Variants in SLC12A9 observed in about 807,000 individuals in gnomAD.
SLC12A9 encodes solute carrier family 12 member 9, also known as CCC-interacting protein 1.
A neutral mutation model predicts 66.0 loss-of-function variants in SLC12A9; 55 were observed. That is an observed-to-expected ratio of 0.83 (90% CI 0.67 to 1.04). The LOEUF is 1.04. Ranked by LOEUF, SLC12A9 falls within the 50% of genes least tolerant of loss-of-function variation. The pLI is 0.00. For missense variants in SLC12A9, 1,061 were observed against 1,241.9 expected (o/e 0.85, Z 2.19); for synonymous variants, 577 against 569.0 (o/e 1.01, Z -0.20).
intron 7 of SLC12A9, 170 bp downstream of exon 7, chr7:100,859,331 G>A: frequency 1.6e-6 from 1 of 637,318 alleles, no homozygotes; most frequent in Non-Finnish European, 2.8e-6. Flanking sequence ...ACCCAGTACT[G>A]TTGCAGGCAC....
At chr7:100,827,108 GGT>G in intron 1 of SLC12A9, 4 of 1,478,334 alleles carry the variant, frequency 2.7e-6, no homozygotes, top group Non-Finnish European at 2.7e-6. Flanking sequence ...TCCCTGGGCG[GGT>G]GGACGCCGAT....
chr7:100,849,254 T>G (rs1814004161), upstream of SLC12A9, among the ~76,000 whole-genome samples: 1 of 151,462 alleles, frequency 6.6e-6, no homozygotes. Context: ...CTAGCTTAAA[T>G]GTCTTTTTTA....
At chr7:100,859,734 A>G (rs314376) in intron 7 of SLC12A9, 151 bp from the exon 8 acceptor site, 441,125 of 926,788 alleles carry the variant, frequency 0.48, 112,082 homozygotes, top group East Asian at 0.82. Context: ...AGGAATGACC[A>G]CTGAGTGATT....
chr7:100,827,889 C>T (rs1813459233), intron 1 of SLC12A9, among the ~76,000 whole-genome samples: 1 of 152,250 alleles, frequency 6.6e-6, no homozygotes, highest in African/African-American at 2.4e-5. Context: ...CGGAGGGCCG[C>T]CCAGGCGTGC....
upstream of SLC12A9, among the ~76,000 whole-genome samples, chr7:100,848,576 G>T (rs1217129006): frequency 2.6e-5 from 4 of 151,960 alleles, no homozygotes; most frequent in African/African-American, 9.7e-5. Flanking sequence ...ATGAGATCGT[G>T]AAGGGACTGG....
chr7:100,837,302 G>A (rs1813680307), intron 1 of SLC12A9: 6 of 152,166 alleles, frequency 3.9e-5, no homozygotes, highest in Admixed American at 3.3e-4. Context: ...GGGGAGGCAG[G>A]TCAGACCAAA....
At chr7:100,852,867 C>T (rs1471840707) in intron 1 of SLC12A9, 32 bp downstream of exon 1, 2 of 152,270 alleles carry the variant, frequency 1.3e-5, no homozygotes, top group Non-Finnish European at 2.9e-5. Flanking sequence ...GGCCCCCGAG[C>T]TGTGGGGTGC....
chr7:100,857,445 A>G, intron 5 of SLC12A9: 1 of 516,880 alleles, frequency 1.9e-6, no homozygotes, highest in East Asian at 3.2e-5. Flanking sequence ...TAAATAGCAC[A>G]GAATGGCCCA....
intron 1 of SLC12A9, among the ~76,000 whole-genome samples, chr7:100,845,161 A>C (rs1813880847): frequency 6.6e-6 from 1 of 151,292 alleles, no homozygotes; most frequent in South Asian, 2.1e-4. Context: ...TGCATGGTGG[A>C]CTTCAAACCA....
intron 5 of SLC12A9, chr7:100,858,504 C>T (rs964996304): frequency 9.8e-5 from 21 of 215,142 alleles, no homozygotes; most frequent in African/African-American, 2.3e-5. Context: ...GCAGGAGGAT[C>T]GCTCTAGCCC....
intron 1 of SLC12A9, among the ~76,000 whole-genome samples, chr7:100,832,478 A>G (rs1020816166): frequency 6.6e-6 from 1 of 152,130 alleles, no homozygotes; most frequent in Non-Finnish European, 1.5e-5. Context: ...GCACCACTGC[A>G]CTCCAACCTG....
At chr7:100,843,342 T>C (rs1335989429) in intron 1 of SLC12A9, among the ~76,000 whole-genome samples, 1 of 152,216 alleles carries the variant, frequency 6.6e-6, no homozygotes, top group Non-Finnish European at 1.5e-5. Flanking sequence ...GCTGCAGGAT[T>C]TGAGTCAATA....
chr7:100,840,813 A>T (rs935205480), intron 1 of SLC12A9, among the ~76,000 whole-genome samples: 3 of 152,158 alleles, frequency 2.0e-5, no homozygotes, highest in Non-Finnish European at 2.9e-5. Context: ...TTTAAAACCT[A>T]TAATTGATAA....
chr7:100,859,135 CTT>C lies in SLC12A9; in HGVS notation c.953_954del (p.Phe318SerfsTer7). ...YTFFVYVLLF[F>X]LSSFTCDRTL... ...CCTTCTTCGTCTATGTCCTGCTTTT[CTT>C]TCTCTCCAGCTTCACTTGTGACAGG... On this transcript the variant is annotated frameshift_variant, in exon 7 of 14. Coordinates refer to ENST00000354161, the MANE Select transcript of SLC12A9 (RefSeq NM_020246.4). LOFTEE classifies it high-confidence loss of function. The C allele has an allele frequency of 6.2e-7, 1 of 1,614,084 alleles. No homozygotes were observed. The highest frequency in any genetic ancestry group is 8.5e-7 in the Non-Finnish European group (1 of 1,180,008).
At chr7:100,850,202 TTCCCTCCC>T (rs1407207481), upstream of SLC12A9, among the ~76,000 whole-genome samples, 1 of 147,264 alleles carries the variant, frequency 6.8e-6, no homozygotes, top group Non-Finnish European at 1.5e-5. Context: ...CCTTCTTTCC[TTCCCTCCC>T]TCCCTCCCTT....
intron 1 of SLC12A9, among the ~76,000 whole-genome samples, chr7:100,833,864 C>T (rs886452759): frequency 7.5e-6 from 1 of 134,128 alleles, no homozygotes; most frequent in African/African-American, 2.9e-5. Flanking sequence ...ACCCGGGAGG[C>T]GGAGCTTGCA....
Position 100,859,168 on chromosome 7 carries a change from G to A in SLC12A9, c.977+7G>A. ...CCAGCTTCACTTGTGACAGGTGTCTGGGGAGGGATGGGGGTGGAGTGTCGA... is the reference window on the plus strand; with the variant it reads ...CCAGCTTCACTTGTGACAGGTGTCTAGGGAGGGATGGGGGTGGAGTGTCGA... On this transcript the variant is annotated splice_region_variant and intron_variant, in intron 7 of 13. Transcript: ENST00000354161. 6.2e-7 allele frequency: 1 copy of A among 1,612,078 alleles called. No homozygotes were observed.
chr7:100,843,544 G>A (rs1417011834), intron 1 of SLC12A9, among the ~76,000 whole-genome samples: 1 of 152,218 alleles, frequency 6.6e-6, no homozygotes, highest in African/African-American at 2.4e-5. Flanking sequence ...AGACTGTAGG[G>A]CCCTGGGCAA....
intron 13 of SLC12A9, 127 bp from the exon 14 acceptor site, chr7:100,865,592 C>A: frequency 6.4e-7 from 1 of 1,568,530 alleles, no homozygotes. Flanking sequence ...GCCGTAAGAG[C>A]CCGTACACAG....
Sources: gnomAD v4.1 joint callset for allele counts (sites outside exome capture counted in the v4.1 genomes callset) on GRCh38, gnomAD v4.1.1 for gene constraint, MANE v1.5 for transcripts, NCBI Gene and HGNC (gene_info 2026-07-23, HGNC 2026-07-21) for gene names.